CEP128: variants seen among roughly 807,000 people sequenced by gnomAD.
CEP128 encodes centrosomal protein 128, also known as centrosomal protein 128kDa.
A neutral mutation model predicts 156.7 loss-of-function variants in CEP128; 132 were observed. The observed-to-expected ratio is 0.84, with a 90% CI of 0.73 to 0.97. The LOEUF is 0.97. Ranked by LOEUF, CEP128 falls within the 50% of genes least tolerant of loss-of-function variation. The pLI, the probability that CEP128 is intolerant of heterozygous loss-of-function variation, is 0.00. For synonymous variants in CEP128, 469 were observed against 448.9 expected (o/e 1.04, Z -0.57); for missense variants, 1,252 against 1,281.9 (o/e 0.98, Z 0.36).
At chr14:80,804,670 A>C (rs1044881981) in intron 13 of CEP128, among the ~76,000 whole-genome samples, 2 of 152,072 alleles carry the variant, frequency 1.3e-5, no homozygotes, top group African/African-American at 4.8e-5. Context: ...TATATATATA[A>C]ATTGTATTCC....
chr14:80,905,935 A>G lies in CEP128; in HGVS notation c.361+20T>C. 6.2e-7 allele frequency: 1 copy of G among 1,602,860 alleles called. No homozygotes were observed. On this transcript the variant is annotated intron_variant, in intron 5 of 24. Coordinates refer to ENST00000555265, the MANE Select transcript of CEP128 (RefSeq NM_152446.5). ...TTCAAAAATATTTTTAATGTTTTTC[A>G]GAACATTTGAAGTGTTTACCTGACC...
intron 15 of CEP128, 65 bp downstream of exon 15, chr14:80,784,830 T>C (rs1901309526): frequency 7.5e-7 from 1 of 1,335,470 alleles, no homozygotes. Context: ...AGTTTACGCT[T>C]TATTAACTTC....
chr14:80,798,890 C>T (rs1258172589), intron 13 of CEP128, among the ~76,000 whole-genome samples: 2 of 152,166 alleles, frequency 1.3e-5, no homozygotes, highest in Non-Finnish European at 1.5e-5. Flanking sequence ...CCTTGGTGAA[C>T]ATTTAAAAAC....
intron 18 of CEP128, among the ~76,000 whole-genome samples, chr14:80,749,880 C>G (rs1457807033): frequency 6.6e-6 from 1 of 151,988 alleles, no homozygotes; most frequent in Non-Finnish European, 1.5e-5. Context: ...CAACTTTTAG[C>G]AGATTACAAA....
At chr14:80,546,012 G>A (rs564488906) in intron 21 of CEP128, among the ~76,000 whole-genome samples, 15 of 152,298 alleles carry the variant, frequency 9.8e-5, no homozygotes, top group East Asian at 9.6e-4. Flanking sequence ...GAGCCTACAT[G>A]TAAAATAACT....
chr14:80,757,027 C>A (rs556233454), intron 17 of CEP128, 76 bp from the exon 18 acceptor site: 120 of 992,848 alleles, frequency 1.2e-4, no homozygotes, highest in Non-Finnish European at 1.7e-4. Context: ...TTCTTCACCA[C>A]AGTATCCAAA....
intron 19 of CEP128, among the ~76,000 whole-genome samples, chr14:80,599,176 G>A (rs1310498972): frequency 6.6e-6 from 1 of 151,546 alleles, no homozygotes; most frequent in Non-Finnish European, 1.5e-5. Flanking sequence ...AATTTTAATT[G>A]GTTAATTAAT....
At chr14:80,548,203 C>A (rs1354043731) in intron 21 of CEP128, among the ~76,000 whole-genome samples, 1 of 152,054 alleles carries the variant, frequency 6.6e-6, no homozygotes, top group Admixed American at 6.5e-5. Context: ...GGGTCATGTG[C>A]CTGGCTATGG....
At position 80,904,851 on chromosome 14, in the gene CEP128, C is replaced by T. The variant is rs781621549; in HGVS notation, c.442G>A (p.Gly148Ser). Reference protein sequence around the residue: ...QGIKRMRSRTGVRFVQETDDM... With the variant: ...QGIKRMRSRTSVRFVQETDDM... Reference sequence around the variant, plus strand: ...TCAGTCTCTTGAACAAACCGGACACCAGTTCTTGATCTCATTCGTTTAATA... The same window carrying T: ...TCAGTCTCTTGAACAAACCGGACACTAGTTCTTGATCTCATTCGTTTAATA... The change falls in exon 6 of 25, where the codon GGT (glycine) becomes AGT (serine). Residue 148 changes from glycine (G) to serine (S), a missense_variant. Transcript: ENST00000555265. The T allele has an allele frequency of 8.7e-6, 14 of 1,610,780 alleles. No homozygotes were observed. The East Asian group carries it at 2.9e-4, about 33-fold the overall frequency.
chr14:80,864,691 G>A (rs1887682816), intron 8 of CEP128, among the ~76,000 whole-genome samples: 3 of 151,806 alleles, frequency 2.0e-5, no homozygotes, highest in African/African-American at 4.8e-5. Flanking sequence ...CTAGTACCAG[G>A]GATTACAGGC....
intron 19 of CEP128, among the ~76,000 whole-genome samples, chr14:80,709,643 T>C (rs995070121): frequency 6.6e-6 from 1 of 152,190 alleles, no homozygotes; most frequent in African/African-American, 2.4e-5. Context: ...ATAAATGATA[T>C]TTTATGATGT....
At chr14:80,805,983 C>A (rs1379552541) in intron 13 of CEP128, among the ~76,000 whole-genome samples, 3 of 152,156 alleles carry the variant, frequency 2.0e-5, no homozygotes, top group Non-Finnish European at 4.4e-5. Context: ...GATTCAAATT[C>A]TTAATGAGTG....
At chr14:80,817,174 G>A (rs189460940) in intron 13 of CEP128, among the ~76,000 whole-genome samples, 538 of 152,202 alleles carry the variant, frequency 3.5e-3, no homozygotes, top group Non-Finnish European at 4.4e-3. Flanking sequence ...ACACACTGCA[G>A]GGAAAATAGG....
Position 80,497,576 on chromosome 14 carries a change from G to A in CEP128, c.3188C>T (p.Thr1063Ile), listed in dbSNP as rs1594910900. The A allele has an allele frequency of 6.2e-7, 1 of 1,608,028 alleles. No individual in the cohort carries two copies. Among genetic ancestry groups the A allele is most frequent in the Admixed American group, 1.7e-5 (1 of 59,844 alleles). The change falls in exon 25 of 25, where the codon ACC becomes ATC. Residue 1063 changes from threonine to isoleucine, a missense_variant. Coordinates refer to ENST00000555265, the MANE Select transcript of CEP128 (RefSeq NM_152446.5). ...TGAATCTGGAGCAACAGTTCTTTTGGTAAATGCTGGCAAGGTAAGAAGAAA... is the reference window on the plus strand; with the variant it reads ...TGAATCTGGAGCAACAGTTCTTTTGATAAATGCTGGCAAGGTAAGAAGAAA... ...SPRFSYVNSF[T>I]KRTVAPDSAS...
intron 11 of CEP128, among the ~76,000 whole-genome samples, chr14:80,837,533 T>C (rs1481325766): frequency 6.6e-6 from 1 of 152,068 alleles, no homozygotes; most frequent in Non-Finnish European, 1.5e-5. Flanking sequence ...CTGGCCAACA[T>C]GGTGAAACCC....
At chr14:80,922,247 T>A (rs750691912) in intron 2 of CEP128, among the ~76,000 whole-genome samples, 1 of 152,192 alleles carries the variant, frequency 6.6e-6, no homozygotes, top group Non-Finnish European at 1.5e-5. Flanking sequence ...CCTTATTTCC[T>A]AGTCCCCTGG....
At chr14:80,497,992 T>C (rs1380501474) in intron 24 of CEP128, among the ~76,000 whole-genome samples, 2 of 152,314 alleles carry the variant, frequency 1.3e-5, no homozygotes, top group South Asian at 2.1e-4. Flanking sequence ...CTGGAGTTTG[T>C]GTTTACTGTT....
chr14:80,563,033 C>T (rs974244838), intron 20 of CEP128, among the ~76,000 whole-genome samples: 1 of 152,114 alleles, frequency 6.6e-6, no homozygotes, highest in African/African-American at 2.4e-5. Context: ...CTAGAATGAA[C>T]ATATAATTAC....
chr14:80,898,934 T>C (rs371309135), intron 7 of CEP128, among the ~76,000 whole-genome samples: 98 of 152,298 alleles, frequency 6.4e-4, no homozygotes, highest in African/African-American at 2.2e-3. Flanking sequence ...AGATTTTAAT[T>C]CTGACTCCAC....
Sources: allele counts gnomAD v4.1 joint callset (sites outside exome capture counted in the v4.1 genomes callset), GRCh38; gene constraint gnomAD v4.1.1; transcripts MANE v1.5; gene names NCBI Gene and HGNC (gene_info 2026-07-23, HGNC 2026-07-21).